The following CAVIN2 variants were observed in gnomAD, a reference collection of about 807,000 sequenced individuals.
The protein encoded by CAVIN2 is caveolae-associated protein 2.
A neutral mutation model predicts 11.7 loss-of-function variants in CAVIN2; 13 were observed. That is an observed-to-expected ratio of 1.11 (90% CI 0.72 to 1.77). The LOEUF is 1.77. CAVIN2 is among the 40% of genes most tolerant of loss of function. The pLI is 0.00. For synonymous variants in CAVIN2, 237 were observed against 223.2 expected, an observed-to-expected ratio of 1.06 and a Z score of -0.55; for missense variants, 549 against 542.9, an observed-to-expected ratio of 1.01 and a Z score of -0.11.
chr2:191,840,814 A>G (rs1690082174), intron 1 of CAVIN2, among the ~76,000 whole-genome samples: 1 of 152,226 alleles, frequency 6.6e-6, no homozygotes, highest in Admixed American at 6.5e-5. Flanking sequence ...ATAAGGAGAG[A>G]AAAAACAACA....
intron 1 of CAVIN2, among the ~76,000 whole-genome samples, chr2:191,841,047 T>C (rs1254638232): frequency 6.6e-6 from 1 of 152,214 alleles, no homozygotes; most frequent in African/African-American, 2.4e-5. Context: ...ATTGATGGTT[T>C]TCTCCGATTT....
At chr2:191,836,798 T>C (rs1690029419) in intron 1 of CAVIN2, 81 bp from the exon 2 acceptor site, 1 of 1,295,140 alleles carries the variant, frequency 7.7e-7, no homozygotes, top group Non-Finnish European at 1.1e-6. Context: ...CGTGTGTCTG[T>C]TTTGGAGACA....
At chr2:191,844,722 G>GT (rs879528240) in intron 1 of CAVIN2, among the ~76,000 whole-genome samples, 3 of 150,772 alleles carry the variant, frequency 2.0e-5, no homozygotes, top group Admixed American at 6.6e-5. Context: ...TTCCCAAGCA[G>GT]TTTTTTTTTA....
intron 1 of CAVIN2, among the ~76,000 whole-genome samples, chr2:191,838,501 G>A (rs1175072964): frequency 6.6e-6 from 1 of 152,126 alleles, no homozygotes; most frequent in Non-Finnish European, 1.5e-5. Context: ...TTAGAGTGAC[G>A]ATATCATATA....
At position 191,846,534 on chromosome 2, in the gene CAVIN2, C is replaced by T. The variant is rs373902541; in HGVS notation, c.392G>A (p.Arg131His). 7 of 1,614,144 alleles carry T rather than the reference C, an allele frequency of 4.3e-6. No homozygotes were observed. The highest frequency in any genetic ancestry group is 4.0e-5 in the African/African-American group (3 of 74,952). The change falls in exon 1 of 2, where the codon CGC (arginine) becomes CAC (histidine). Residue 131 changes from arginine to histidine, a missense_variant. By Grantham distance (29) the Arg-to-His change is conservative. Coordinates refer to ENST00000304141, the MANE Select transcript of CAVIN2 (RefSeq NM_004657.6). ...VSAHTRAVKERMDRQCAQVKR... is the reference protein window; with the variant it reads ...VSAHTRAVKEHMDRQCAQVKR... ...CACCTGTGCGCACTGCCTATCCATG[C>T]GCTCTTTGACCGCGCGCGTGTGGGC...
chr2:191,836,813 G>T, intron 1 of CAVIN2, 96 bp from the exon 2 acceptor site: 1 of 1,187,416 alleles, frequency 8.4e-7, no homozygotes. Context: ...GAGACACGGT[G>T]ATGGTAAAAA....
intron 1 of CAVIN2, among the ~76,000 whole-genome samples, chr2:191,843,844 A>G (rs1690129018): frequency 6.6e-6 from 1 of 152,176 alleles, no homozygotes; most frequent in Non-Finnish European, 1.5e-5. Context: ...TTTAAATGTT[A>G]TTTCTTTCAT....
chr2:191,838,214 T>G (rs1436278300), intron 1 of CAVIN2, among the ~76,000 whole-genome samples: 1 of 152,242 alleles, frequency 6.6e-6, no homozygotes, highest in Non-Finnish European at 1.5e-5. Context: ...TGTTTTGTAA[T>G]TTTGATTGAC....
rs1167625766 is a variant in CAVIN2 at position 191,847,015 on chromosome 2, G to A, written c.-90C>T. The A allele has an allele frequency of 4.7e-6, 7 of 1,474,648 alleles. No homozygotes were observed. The highest frequency in any genetic ancestry group is 5.4e-6 in the Non-Finnish European group (6 of 1,109,064). The allele number at this position is 1,474,648 out of a possible 1,614,324, so 91.3% of individuals were successfully genotyped here. On this transcript the variant is annotated 5_prime_UTR_variant, in exon 1 of 2. Transcript: ENST00000304141. ...GTGGTGAGGGTGTAGGATGAGGCCC[G>A]CTGGTTGGAGCTCAGGGCACCAGTC...
intron 1 of CAVIN2, among the ~76,000 whole-genome samples, chr2:191,845,186 G>A (rs1172280633): frequency 2.6e-5 from 4 of 152,224 alleles, no homozygotes; most frequent in Admixed American, 1.3e-4. Context: ...AAGCCTGCAA[G>A]GTAGAGGAGG....
chr2:191,843,307 C>G (rs1342288280), intron 1 of CAVIN2, among the ~76,000 whole-genome samples: 1 of 152,174 alleles, frequency 6.6e-6, no homozygotes, highest in East Asian at 1.9e-4. Flanking sequence ...CAGTACCATA[C>G]CAAATATGCT....
At position 191,844,628 on chromosome 2, in the gene CAVIN2, T is replaced by C. The variant is rs149056147; in HGVS notation, c.483+1815A>G. ...CACTATATGGAGAATTTCTACCATATCTGGCTGCAATTTCACACCTGTCAA... is the reference window on the plus strand; with the variant it reads ...CACTATATGGAGAATTTCTACCATACCTGGCTGCAATTTCACACCTGTCAA... On this transcript the variant is annotated intron_variant, in intron 1 of 1. Coordinates refer to ENST00000304141, the MANE Select transcript of CAVIN2 (RefSeq NM_004657.6). Among the ~76,000 whole-genome samples the C allele has an allele frequency of 5.0e-3, 755 of 152,288 alleles. 10 individuals are homozygous for C. Among genetic ancestry groups the C allele is most frequent in the African/African-American group, 0.018 (735 of 41,556 alleles).
chr2:191,838,711 C>T (rs1690054473), intron 1 of CAVIN2, among the ~76,000 whole-genome samples: 1 of 152,214 alleles, frequency 6.6e-6, no homozygotes, highest in Non-Finnish European at 1.5e-5. Context: ...GAGTGTACTC[C>T]CCATGAGGGC....
chr2:191,837,408 C>G (rs1690039469), intron 1 of CAVIN2, among the ~76,000 whole-genome samples: 1 of 152,072 alleles, frequency 6.6e-6, no homozygotes, highest in Non-Finnish European at 1.5e-5. Flanking sequence ...GAGGTGAGAT[C>G]TTAGGGTTAT....
Position 191,846,641 on chromosome 2 carries a change from A to G in CAVIN2, c.285T>C (p.Asn95=), listed in dbSNP as rs1207613113. The G allele has an allele frequency of 6.2e-7, 1 of 1,614,222 alleles. No individual in the cohort carries two copies. Among genetic ancestry groups the G allele is most frequent in the Non-Finnish European group, 8.5e-7 (1 of 1,180,042 alleles). The change falls in exon 1 of 2, where the codon AAT becomes AAC. Residue 95 remains asparagine, a synonymous_variant. Coordinates refer to ENST00000304141, the MANE Select transcript of CAVIN2 (RefSeq NM_004657.6). ...GGTACTTGGAGAGCTTGGTGAGGTC[A>G]TTCTGGATGCCCTTCACGGAGCCCT... ...SLEGSVKGIQ[N]DLTKLSKYQA...
Position 191,836,005 on chromosome 2 carries a change from T to C in CAVIN2, c.1196A>G (p.Tyr399Cys). ...QAQKVRYEGS[Y>C]ALTSEEAERS... ...CTCCGCCTCCTCGGATGTTAGCGCG[T>C]AGCTACCCTCATAGCGTACCTTCTG... The change falls in exon 2 of 2, where the codon TAC (tyrosine) becomes TGC (cysteine). Residue 399 changes from tyrosine (Y) to cysteine (C), a missense_variant. Transcript: ENST00000304141. 6.2e-7 allele frequency: 1 copy of C among 1,614,236 alleles called. No individual in the cohort carries two copies. The highest frequency in any genetic ancestry group is 1.7e-5 in the Admixed American group (1 of 60,034).
At position 191,846,544 on chromosome 2, in the gene CAVIN2, CCG is replaced by C. The variant is rs1230863346; in HGVS notation, c.380_381del (p.Ala127GlyfsTer7). 2 of 1,614,140 alleles carry C rather than the reference CCG, an allele frequency of 1.2e-6. No homozygotes were observed. The highest frequency in any genetic ancestry group is 1.3e-5 in the African/African-American group (1 of 74,946). On this transcript the variant is annotated frameshift_variant, in exon 1 of 2. Coordinates refer to ENST00000304141, the MANE Select transcript of CAVIN2 (RefSeq NM_004657.6). LOFTEE classifies it high-confidence loss of function. Reference sequence around the variant, plus strand: ...CACTGCCTATCCATGCGCTCTTTGACCGCGCGCGTGTGGGCGCTGACCTTGCG... The same window carrying C: ...CACTGCCTATCCATGCGCTCTTTGACCGCGCGTGTGGGCGCTGACCTTGCG... ...KSRKVSAHTRAVKERMDRQCA... is the reference protein window; with the variant it reads ...KSRKVSAHTRXVKERMDRQCA...
At chr2:191,843,629 G>T (rs1190655788) in intron 1 of CAVIN2, among the ~76,000 whole-genome samples, 1 of 152,138 alleles carries the variant, frequency 6.6e-6, no homozygotes, top group Non-Finnish European at 1.5e-5. Context: ...ATTTCAACAT[G>T]GCGGTAGTTA....
At chr2:191,836,976 G>C (rs1690031670) in intron 1 of CAVIN2, among the ~76,000 whole-genome samples, 1 of 152,220 alleles carries the variant, frequency 6.6e-6, no homozygotes, top group Admixed American at 6.5e-5. Flanking sequence ...AGGCAGAGGG[G>C]AAGTGGGCAG....
Sources: allele counts gnomAD v4.1 joint callset (sites outside exome capture counted in the v4.1 genomes callset), GRCh38; gene constraint gnomAD v4.1.1; transcripts MANE v1.5; gene names NCBI Gene and HGNC (gene_info 2026-07-23, HGNC 2026-07-21).